NCOA7: variants seen among roughly 807,000 people sequenced by gnomAD.
The protein encoded by NCOA7 is nuclear receptor coactivator 7.
NCOA7 carries 45 observed loss-of-function variants against 104.3 expected under a neutral mutation model. The observed-to-expected ratio is 0.43, with a 90% CI of 0.34 to 0.55. NCOA7 has a LOEUF of 0.55. Among genes scored for constraint, NCOA7 ranks in the 20% least tolerant of loss-of-function variants. The pLI, the probability that NCOA7 is intolerant of heterozygous loss-of-function variation, is 0.02. For missense variants in NCOA7, 1,041 were observed against 1,119.7 expected (o/e 0.93, Z 1.00); for synonymous variants, 398 against 402.3 (o/e 0.99, Z 0.13).
Position 125,930,110 on chromosome 6 carries a change from C to T in NCOA7, c.*1339C>T, listed in dbSNP as rs1280992392. The T allele has an allele frequency of 6.6e-6, 1 of 152,208 alleles. No homozygotes were observed. The highest frequency in any genetic ancestry group is 1.9e-4 in the East Asian group (1 of 5,200). The allele number at this position is 152,208 out of a possible 1,614,324, so 9.4% of individuals were successfully genotyped here. On this transcript the variant is annotated 3_prime_UTR_variant, in exon 16 of 16. Coordinates refer to ENST00000392477, the MANE Select transcript of NCOA7 (RefSeq NM_181782.5). ...TAGTGGCTCTTGCCTGTAATCCCAG[C>T]ACTTTGGGAGGCCGAGGCAGGTGGA...
At chr6:125,787,351 T>A (rs1445461678), upstream of NCOA7, among the ~76,000 whole-genome samples, 2 of 152,192 alleles carry the variant, frequency 1.3e-5, no homozygotes, top group African/African-American at 4.8e-5. Flanking sequence ...CCGAACACAT[T>A]TGCAGGATTG....
upstream of NCOA7, chr6:125,790,635 G>GC (rs2128541785): frequency 6.6e-6 from 1 of 151,976 alleles, no homozygotes; most frequent in South Asian, 2.1e-4. Context: ...GAGCTCCCAG[G>GC]CCCCCGCAAC....
Position 125,930,780 on chromosome 6 carries a change from C to G in NCOA7, c.*2009C>G, listed in dbSNP as rs539088749. 5.3e-5 allele frequency: 8 copies of G among 152,294 alleles called. No homozygotes were observed. Among genetic ancestry groups the G allele is most frequent in the Non-Finnish European group, 1.0e-4 (7 of 68,040 alleles). 9.4% of individuals were successfully genotyped at this position (152,294 alleles called of 1,614,324 possible). A position where few individuals can be genotyped will look rare whatever the true frequency, so the allele number is the denominator to read the frequency against. On this transcript the variant is annotated 3_prime_UTR_variant, in exon 16 of 16. Transcript: ENST00000392477. ...CTGAGGACTCTTGACTAACAGCATA[C>G]TGGCAGTTTCACCTTAACCTGCTCG...
chr6:125,897,607 A>G (rs774125216), intron 10 of NCOA7, among the ~76,000 whole-genome samples: 2 of 152,226 alleles, frequency 1.3e-5, no homozygotes, highest in Non-Finnish European at 2.9e-5. Context: ...ATATTTAAAG[A>G]CATGTTAGTT....
intron 5 of NCOA7, among the ~76,000 whole-genome samples, chr6:125,879,965 C>G (rs1783687452): frequency 1.3e-5 from 2 of 152,122 alleles, no homozygotes; most frequent in Non-Finnish European, 2.9e-5. Context: ...GATTATGCCA[C>G]TGCACTCCAG....
Position 125,855,167 on chromosome 6 carries a change from TGAGAAAAAA to T in NCOA7, c.199_207del (p.Glu67_Lys69del). On this transcript the variant is annotated inframe_deletion, in exon 3 of 16. Coordinates refer to ENST00000392477, the MANE Select transcript of NCOA7 (RefSeq NM_181782.5). ...CTGTGGAAGAGGAATATATGACTGA[TGAGAAAAAA>T]AAGAGAAAAAGTAATCAGTTAAAGG... The T allele has an allele frequency of 6.2e-7, 1 of 1,612,878 alleles. No individual in the cohort carries two copies. Among genetic ancestry groups the T allele is most frequent in the African/African-American group, 1.3e-5 (1 of 74,888 alleles).
At chr6:125,860,599 C>T (rs916928218) in intron 3 of NCOA7, among the ~76,000 whole-genome samples, 6 of 152,208 alleles carry the variant, frequency 3.9e-5, no homozygotes, top group Non-Finnish European at 8.8e-5. Context: ...CCACCCACCT[C>T]GGCCTCCCCA....
intron 1 of NCOA7, among the ~76,000 whole-genome samples, chr6:125,800,649 G>C (rs1371214949): frequency 6.6e-6 from 1 of 152,224 alleles, no homozygotes; most frequent in Non-Finnish European, 1.5e-5. Context: ...CTGCATGGAT[G>C]AACAGCATAA....
chr6:125,921,631 TTAAAAAAA>T (rs1787595266), intron 12 of NCOA7, among the ~76,000 whole-genome samples: 1 of 152,072 alleles, frequency 6.6e-6, no homozygotes, highest in Non-Finnish European at 1.5e-5. Context: ...ATTTCTAATC[TTAAAAAAA>T]TAAAAATTTT....
intron 4 of NCOA7, 127 bp from the exon 5 acceptor site, chr6:125,878,136 T>C: frequency 4.1e-6 from 2 of 485,610 alleles, no homozygotes; most frequent in South Asian, 4.5e-5. Context: ...ATTCATTCTT[T>C]CTTATAGTCT....
intron 5 of NCOA7, among the ~76,000 whole-genome samples, 156 bp from the exon 6 acceptor site, chr6:125,880,934 C>G (rs9491525): frequency 6.6e-6 from 1 of 152,142 alleles, no homozygotes; most frequent in Non-Finnish European, 1.5e-5. Context: ...ATGGATTAGT[C>G]TAGAAAACCG....
Position 125,889,014 on chromosome 6 carries a change from C to A in NCOA7, c.960C>A (p.Asn320Lys), listed in dbSNP as rs992256253. Residue 320 changes from asparagine (N) to lysine (K), a missense_variant, in exon 9 of 16, where the codon AAC becomes AAA. By Grantham distance (94) the Asn-to-Lys change is moderately conservative. Around this residue, in one of 2 missense-constraint regions of NCOA7, gnomAD observed 914 missense variants for 942.7 expected, o/e 0.97. Coordinates refer to ENST00000392477, the MANE Select transcript of NCOA7 (RefSeq NM_181782.5). ...ACCTGGCTTCAGAAAAGGATATCAA[C>A]CCATTCAGTAAGTTCAAATCTATCA... is the stretch of plus-strand genomic sequence containing the variant. The part of the protein sequence containing the change: ...WEDLASEKDI[N>K]PFSKFKSINK... 2 of 1,613,938 alleles carry A rather than the reference C, an allele frequency of 1.2e-6. No individual in the cohort carries two copies. The highest frequency in any genetic ancestry group is 1.7e-6 in the Non-Finnish European group (2 of 1,179,958).
chr6:125,808,577 TC>T (rs1278121095), intron 1 of NCOA7, among the ~76,000 whole-genome samples: 2 of 152,202 alleles, frequency 1.3e-5, no homozygotes, highest in Non-Finnish European at 2.9e-5. Flanking sequence ...CACAGCTCCC[TC>T]CCTCTGTTTT....
At chr6:125,818,379 G>C (rs1191353462) in intron 2 of NCOA7, among the ~76,000 whole-genome samples, 1 of 152,146 alleles carries the variant, frequency 6.6e-6, no homozygotes, top group East Asian at 1.9e-4. Context: ...TGCTTATCAT[G>C]ACCTCTTCTG....
chr6:125,930,280 C>T lies in NCOA7; in HGVS notation c.*1509C>T, dbSNP rs987835561. ...GCTGAGGCAGGAGAATTGCTTGAAT[C>T]CGGGAAGCAGAGGTTGTAGTGAGCC... On this transcript the variant is annotated 3_prime_UTR_variant, in exon 16 of 16. Transcript: ENST00000392477. The T allele has an allele frequency of 5.9e-5, 9 of 152,420 alleles. No homozygotes were observed. The highest frequency in any genetic ancestry group is 2.6e-4 in the Admixed American group (4 of 15,278). 9.4% of individuals were successfully genotyped at this position (152,420 alleles called of 1,614,324 possible).
At chr6:125,817,064 C>T (rs555993006) in intron 2 of NCOA7, among the ~76,000 whole-genome samples, 257 of 152,290 alleles carry the variant, frequency 1.7e-3, no homozygotes, top group African/African-American at 5.8e-3. Flanking sequence ...CCTTGACATC[C>T]CTCAAAGCTG....
At chr6:125,811,990 C>T (rs1421185198) in intron 1 of NCOA7, among the ~76,000 whole-genome samples, 1 of 152,162 alleles carries the variant, frequency 6.6e-6, no homozygotes, top group Non-Finnish European at 1.5e-5. Flanking sequence ...AAATTGCTGC[C>T]GCACCACAGC....
chr6:125,929,290 C>G lies in NCOA7; in HGVS notation c.*519C>G, dbSNP rs1157476321. ...TTATTTATTATTTGTAGTATATTGTCTGAAATGTGTCGGCAGTTTTTTTTC... is the reference window on the plus strand; with the variant it reads ...TTATTTATTATTTGTAGTATATTGTGTGAAATGTGTCGGCAGTTTTTTTTC... On this transcript the variant is annotated 3_prime_UTR_variant, in exon 16 of 16. Transcript: ENST00000392477. 6.7e-6 allele frequency: 1 copy of G among 148,448 alleles called. No individual in the cohort carries two copies. Among genetic ancestry groups the G allele is most frequent in the Non-Finnish European group, 1.5e-5 (1 of 67,252 alleles). 9.2% of individuals were successfully genotyped at this position (148,448 alleles called of 1,614,324 possible).
At chr6:125,834,520 G>A (rs1025756384) in intron 2 of NCOA7, among the ~76,000 whole-genome samples, 2 of 152,082 alleles carry the variant, frequency 1.3e-5, no homozygotes, top group Non-Finnish European at 2.9e-5. Flanking sequence ...ATTTAACCAG[G>A]GTCACCAGAC....
Sources: allele counts gnomAD v4.1 joint callset (sites outside exome capture counted in the v4.1 genomes callset), GRCh38; gene constraint gnomAD v4.1.1; regional missense constraint gnomAD v4.1.1; transcripts MANE v1.5; gene names NCBI Gene and HGNC (gene_info 2026-07-23, HGNC 2026-07-21).